Variants in GPC6 observed in about 807,000 individuals in gnomAD.
GPC6 encodes glypican-6.
A neutral mutation model predicts 55.2 loss-of-function variants in GPC6; 14 were observed. That is an observed-to-expected ratio of 0.25 (90% CI 0.17 to 0.40). GPC6 has a LOEUF of 0.40. Ranked by LOEUF, GPC6 falls within the 10% of genes least tolerant of loss-of-function variation. GPC6 has a pLI of 1.00. For synonymous variants in GPC6, 278 were observed against 259.6 expected, an observed-to-expected ratio of 1.07 and a Z score of -0.68; for missense variants, 641 against 708.5, an observed-to-expected ratio of 0.90 and a Z score of 1.08.
chr13:94,100,927 C>T (rs1885834785), intron 4 of GPC6, among the ~76,000 whole-genome samples: 1 of 152,128 alleles, frequency 6.6e-6, no homozygotes, highest in South Asian at 2.1e-4. Flanking sequence ...CGAAGATATA[C>T]TGGGGGATAT....
chr13:94,358,267 C>T (rs1853483), intron 6 of GPC6, among the ~76,000 whole-genome samples: 7,004 of 139,998 alleles, frequency 0.05, 548 homozygotes, highest in African/African-American at 0.17. Context: ...CCAGCCTAGG[C>T]GACAGAGCAA....
At chr13:94,083,311 G>A (rs932933621) in intron 4 of GPC6, among the ~76,000 whole-genome samples, 2 of 152,018 alleles carry the variant, frequency 1.3e-5, no homozygotes, top group Non-Finnish European at 2.9e-5. Context: ...ATAGAGATGG[G>A]GTTTCACCGT....
At chr13:94,147,266 C>A (rs572673188) in intron 4 of GPC6, among the ~76,000 whole-genome samples, 4 of 152,172 alleles carry the variant, frequency 2.6e-5, no homozygotes, top group African/African-American at 9.6e-5. Flanking sequence ...TTTCTTAATT[C>A]TTTGCACATA....
intron 4 of GPC6, among the ~76,000 whole-genome samples, chr13:94,058,448 T>C (rs1263500666): frequency 6.6e-6 from 1 of 152,228 alleles, no homozygotes; most frequent in Non-Finnish European, 1.5e-5. Context: ...TAAGCTAATT[T>C]GGCTGTTAAG....
At chr13:93,666,584 AATG>A (rs1470548473) in intron 2 of GPC6, among the ~76,000 whole-genome samples, 3 of 152,214 alleles carry the variant, frequency 2.0e-5, no homozygotes, top group African/African-American at 7.2e-5. Flanking sequence ...GTATTGTAAT[AATG>A]ATGATAAGGA....
chr13:93,297,587 C>T (rs1166591135), intron 1 of GPC6, among the ~76,000 whole-genome samples: 1 of 152,082 alleles, frequency 6.6e-6, no homozygotes, highest in African/African-American at 2.4e-5. Context: ...GTAGTGAGTG[C>T]ACCACTGGGC....
chr13:94,015,503 C>G (rs765054558), intron 3 of GPC6, among the ~76,000 whole-genome samples: 2 of 152,122 alleles, frequency 1.3e-5, no homozygotes. Context: ...TCCTTTGATA[C>G]ACAAAAGTTT....
chr13:94,276,171 A>T (rs7325829), intron 4 of GPC6, among the ~76,000 whole-genome samples: 4 of 152,100 alleles, frequency 2.6e-5, no homozygotes, highest in African/African-American at 9.7e-5. Context: ...ACCCTAGGAC[A>T]TGTTGAGTAG....
intron 3 of GPC6, among the ~76,000 whole-genome samples, chr13:93,958,772 G>A (rs1003751475): frequency 2.7e-4 from 41 of 152,098 alleles, no homozygotes; most frequent in African/African-American, 9.6e-4. Context: ...AATTGTTTTG[G>A]GCACTAAGGC....
intron 4 of GPC6, among the ~76,000 whole-genome samples, chr13:94,038,555 T>C (rs2138735948): frequency 6.6e-6 from 1 of 152,054 alleles, no homozygotes; most frequent in African/African-American, 2.4e-5. Flanking sequence ...ACTCCACCAC[T>C]TATAACCTGT....
chr13:94,253,127 G>C (rs1891408278), intron 4 of GPC6, among the ~76,000 whole-genome samples: 1 of 152,032 alleles, frequency 6.6e-6, no homozygotes, highest in African/African-American at 2.4e-5. Flanking sequence ...GTATATGTAA[G>C]AAATAATGCA....
chr13:93,631,547 C>T (rs192889229), intron 2 of GPC6, among the ~76,000 whole-genome samples: 2 of 152,354 alleles, frequency 1.3e-5, no homozygotes, highest in East Asian at 3.9e-4. Context: ...ATATATGTCT[C>T]ATCTGAACAT....
intron 1 of GPC6, among the ~76,000 whole-genome samples, chr13:93,315,499 A>C (rs960972059): frequency 1.3e-5 from 2 of 152,086 alleles, no homozygotes; most frequent in East Asian, 3.9e-4. Context: ...CTACCAATGA[A>C]TAGATAAGGC....
intron 3 of GPC6, among the ~76,000 whole-genome samples, chr13:94,020,064 G>T (rs1286840076): frequency 6.6e-6 from 1 of 151,634 alleles, no homozygotes; most frequent in Non-Finnish European, 1.5e-5. Context: ...ACTAGCTTTG[G>T]GCTTAGTTTT....
rs527998162 is a variant in GPC6, at chr13:94,288,709, T to TTA, written c.1008+2238_1008+2239dup. Among the ~76,000 whole-genome samples, 15 of 129,018 alleles carry TTA rather than the reference T, an allele frequency of 1.2e-4. No individual in the cohort carries two copies. In the South Asian group the frequency reaches 1.8e-3, roughly 16 times the overall value. 84.6% of individuals were successfully genotyped at this position (129,018 alleles called of 152,430 possible). On this transcript the variant is annotated intron_variant, in intron 5 of 8. Transcript: ENST00000377047. ...TCACAGAAATCTGTCACAGCATCTATTATATATATTTGTTATATATATATA... is the reference window on the plus strand; with the variant it reads ...TCACAGAAATCTGTCACAGCATCTATTATATATATATTTGTTATATATATATA...
intron 1 of GPC6, among the ~76,000 whole-genome samples, chr13:93,299,398 T>G (rs1024328472): frequency 1.3e-5 from 2 of 152,154 alleles, no homozygotes; most frequent in African/African-American, 4.8e-5. Context: ...TTAAATAAAG[T>G]CAGAAAACAT....
Position 94,003,883 on chromosome 13 carries a change from T to G in GPC6, c.712-23846T>G, listed in dbSNP as rs147231197. 4.3e-3 allele frequency among the ~76,000 whole-genome samples: 659 copies of G among 152,336 alleles called. 1 individual carries two copies. The highest frequency in any genetic ancestry group is 6.4e-3 in the Non-Finnish European group (434 of 68,030). On this transcript the variant is annotated intron_variant, in intron 3 of 8. Coordinates refer to ENST00000377047, the MANE Select transcript of GPC6 (RefSeq NM_005708.5). ...TTGAAATTGGAAAGAAGGTTAAATC[T>G]GCATATCTGAGCTCTGCCCTGCTCT...
chr13:94,396,077 G>C (rs1050058845), intron 7 of GPC6, among the ~76,000 whole-genome samples: 1 of 152,188 alleles, frequency 6.6e-6, no homozygotes, highest in Non-Finnish European at 1.5e-5. Context: ...CCTCTCTGTG[G>C]TATCAGTTCT....
chr13:93,365,391 C>T (rs948761123), intron 1 of GPC6, among the ~76,000 whole-genome samples: 1 of 152,100 alleles, frequency 6.6e-6, no homozygotes, highest in Non-Finnish European at 1.5e-5. Flanking sequence ...CACTTTCTTA[C>T]TTTTTCAATG....
Sources: gnomAD v4.1 joint callset for allele counts (sites outside exome capture counted in the v4.1 genomes callset) on GRCh38, gnomAD v4.1.1 for gene constraint, MANE v1.5 for transcripts, NCBI Gene and HGNC (gene_info 2026-07-23, HGNC 2026-07-21) for gene names.